EBF4: variants seen among roughly 807,000 people sequenced by gnomAD.
EBF4 encodes the protein EBF transcription factor 4.
A neutral mutation model predicts 67.1 loss-of-function variants in EBF4; 34 were observed. That is an observed-to-expected ratio of 0.51 (90% confidence interval 0.39 to 0.67). The LOEUF (loss-of-function observed/expected upper bound fraction) is 0.67, where lower values mean the gene tolerates loss of function less well. EBF4 is among the 30% of genes least tolerant of loss of function. The pLI is 0.00. For synonymous variants in EBF4, 387 were observed against 377.7 expected, an observed-to-expected ratio of 1.02 and a Z score of -0.29; for missense variants, 837 against 873.3, an observed-to-expected ratio of 0.96 and a Z score of 0.52.
Position 2,696,287 on chromosome 20 carries a change from C to T in EBF4, c.137+2505C>T, listed in dbSNP as rs1220944511. Among the ~76,000 whole-genome samples the T allele has an allele frequency of 6.6e-6, 1 of 152,160 alleles. No individual in the cohort carries two copies. The highest frequency in any genetic ancestry group is 1.5e-5 in the Non-Finnish European group (1 of 68,042). The stretch of plus-strand genomic sequence containing the variant: ...AGGAGTTCGAGACCAGCCTAGCCAA[C>T]ATGGTGAAACCCTGTCTCTACTAAT... On this transcript the variant is annotated intron_variant, in intron 1 of 16. Coordinates refer to ENST00000609451, the Ensembl canonical transcript of EBF4. The surrounding 1 kb of genome is among the most constrained non-coding windows in gnomAD (Gnocchi z 4.7).
intron 1 of EBF4, among the ~76,000 whole-genome samples, chr20:2,698,373 A>G (rs1219185184): frequency 1.3e-5 from 2 of 152,220 alleles, no homozygotes; most frequent in Admixed American, 6.5e-5. Context: ...GGTGTGCCCC[A>G]CTGGGCTACT....
rs2088063998 is a variant in EBF4 at position 2,747,301 on chromosome 20, C to CA, written c.558-1242dup. Among the ~76,000 whole-genome samples the CA allele has an allele frequency of 2.3e-5, 2 of 88,300 alleles. No individual in the cohort carries two copies. Among genetic ancestry groups the CA allele is most frequent in the Non-Finnish European group, 5.0e-5 (2 of 39,794 alleles). 57.9% of individuals were successfully genotyped at this position (88,300 alleles called of 152,430 possible). ...AACAGAGCAAGACTCTGTCTCAAAA[C>CA]AAAAAACAAAACAAACAAAAAAAAA... On this transcript the variant is annotated intron_variant, in intron 6 of 16. Coordinates refer to ENST00000609451, the Ensembl canonical transcript of EBF4. The surrounding 1 kb of genome is among the most constrained non-coding windows in gnomAD (Gnocchi z 4.6).
intron 6 of EBF4, among the ~76,000 whole-genome samples, chr20:2,729,571 G>C (rs372444084): frequency 6.6e-6 from 1 of 152,052 alleles, no homozygotes; most frequent in East Asian, 1.9e-4. Context: ...CCATTGAGAT[G>C]GGGGGAGCTA....
chr20:2,712,924 G>A (rs1050421847), intron 6 of EBF4, among the ~76,000 whole-genome samples: 6 of 152,218 alleles, frequency 3.9e-5, no homozygotes, highest in Non-Finnish European at 8.8e-5. Flanking sequence ...TTAGCAATGA[G>A]GAGGATATTG....
intron 5 of EBF4, among the ~76,000 whole-genome samples, chr20:2,709,186 C>CA (rs982968670): frequency 2.6e-5 from 4 of 151,182 alleles, no homozygotes; most frequent in Non-Finnish European, 4.4e-5. Flanking sequence ...GACTCTGTCT[C>CA]AAAAAAAAGA....
Position 2,693,832 on chromosome 20 carries a change from C to T in EBF4, c.137+50C>T. 1 of 1,257,164 alleles carries T rather than the reference C, an allele frequency of 8.0e-7. No homozygotes were observed. Among genetic ancestry groups the T allele is most frequent in the South Asian group, 2.9e-5 (1 of 34,214 alleles). 77.9% of individuals were successfully genotyped at this position (1,257,164 alleles called of 1,614,324 possible). ...GCGCTCGGGTTGGACGGCTGCGCGC[C>T]GCCTCAGCTCAGCTTGCTGGAGCTG... On this transcript the variant is annotated intron_variant, in intron 1 of 16. Transcript: ENST00000609451. This position sits in a 1 kb window ranked among gnomAD's most constrained non-coding sequence, Gnocchi z 4.6.
intron 6 of EBF4, among the ~76,000 whole-genome samples, chr20:2,714,666 A>T (rs1163842361): frequency 6.6e-6 from 1 of 152,198 alleles, no homozygotes; most frequent in African/African-American, 2.4e-5. Context: ...GCTTATTTGT[A>T]TGTAAATTAT....
intron 6 of EBF4, among the ~76,000 whole-genome samples, chr20:2,737,130 G>T (rs558850362): frequency 6.6e-6 from 1 of 151,550 alleles, no homozygotes; most frequent in Non-Finnish European, 1.5e-5. Context: ...GGCGCCTGTA[G>T]TCCCAGCTAC....
chr20:2,738,608 C>T (rs1468655407), intron 6 of EBF4, among the ~76,000 whole-genome samples: 1 of 152,098 alleles, frequency 6.6e-6, no homozygotes, highest in African/African-American at 2.4e-5. Flanking sequence ...CCTCCTCTCC[C>T]CTCAGGCCTG....
At chr20:2,759,328 C>T in exon 17 of EBF4, 1 of 339,458 alleles carries the variant, frequency 2.9e-6, no homozygotes, top group Middle Eastern at 9.0e-4. Flanking sequence ...CAGCCACACC[C>T]CGGATGGTGG....
chr20:2,749,688 G>T (rs577184256), exon 9 of EBF4: 3 of 1,565,362 alleles, frequency 1.9e-6, no homozygotes, highest in Non-Finnish European at 2.6e-6. Flanking sequence ...CACCGTCATT[G>T]TCATCGGCGA....
intron 1 of EBF4, among the ~76,000 whole-genome samples, chr20:2,698,867 G>A (rs1416491914): frequency 6.6e-6 from 1 of 152,190 alleles, no homozygotes; most frequent in Non-Finnish European, 1.5e-5. Context: ...TTGGTGGGGA[G>A]AAGGGAAGGC....
Position 2,752,481 on chromosome 20 carries a change from C to G in EBF4, c.1476C>G (p.Ala492=), listed in dbSNP as rs1346769558. Residue 492 remains alanine, a synonymous_variant, in exon 14 of 17, where the codon GCC becomes GCG. Transcript: ENST00000609451. Reference sequence around the variant, plus strand: ...GCGGCTACGGCGCGCCGGGCGTGGCCGGCCTCGGCGTGCCTGGGTCCCCCA... The same window carrying G: ...GCGGCTACGGCGCGCCGGGCGTGGCGGGCCTCGGCGTGCCTGGGTCCCCCA... 5 of 1,262,882 alleles carry G rather than the reference C, an allele frequency of 4.0e-6. No individual in the cohort carries two copies. In the African/African-American group the frequency reaches 4.7e-5, roughly 12 times the overall value. 78.2% of individuals were successfully genotyped at this position (1,262,882 alleles called of 1,614,324 possible).
At chr20:2,713,969 T>C (rs1010540084) in intron 6 of EBF4, among the ~76,000 whole-genome samples, 11 of 152,144 alleles carry the variant, frequency 7.2e-5, no homozygotes, top group African/African-American at 2.2e-4. Flanking sequence ...TATCTGTCTA[T>C]ACTGACATTG....
At chr20:2,758,939 A>G (rs1232088482) in exon 16 of EBF4, 1 of 1,551,488 alleles carries the variant, frequency 6.4e-7, no homozygotes. Flanking sequence ...GACAAGTTTC[A>G]CTCTCCAGCC....
chr20:2,740,703 A>G (rs533396467), intron 6 of EBF4, among the ~76,000 whole-genome samples: 4 of 152,230 alleles, frequency 2.6e-5, no homozygotes, highest in African/African-American at 9.6e-5. Flanking sequence ...GAGGTTTATC[A>G]AAGGAGAGCT....
Position 2,755,497 on chromosome 20 carries a change from T to C in EBF4, c.1541-130T>C. 1 of 636,584 alleles carries C rather than the reference T, an allele frequency of 1.6e-6. No homozygotes were observed. Among genetic ancestry groups the C allele is most frequent in the Non-Finnish European group, 2.8e-6 (1 of 351,518 alleles). The allele number at this position is 636,584 out of a possible 1,614,324, so 39.4% of individuals were successfully genotyped here. On this transcript the variant is annotated intron_variant, in intron 14 of 16. Transcript: ENST00000609451. The surrounding 1 kb of genome is among the most constrained non-coding windows in gnomAD (Gnocchi z 4.7). Reference sequence around the variant, plus strand: ...AGGACCCTCACAGCTCCCAGTGAGATCTGAGCCTGGTACCTGTGTCAGCAG... The same window carrying C: ...AGGACCCTCACAGCTCCCAGTGAGACCTGAGCCTGGTACCTGTGTCAGCAG...
At chr20:2,750,045 T>A in intron 10 of EBF4, 72 bp downstream of exon 10, 4 of 1,478,606 alleles carry the variant, frequency 2.7e-6, no homozygotes, top group Non-Finnish European at 3.6e-6. Flanking sequence ...CTGGTCTCCG[T>A]TCTTGGTGAT....
chr20:2,748,364 T>A (rs901025785), intron 6 of EBF4, among the ~76,000 whole-genome samples, 185 bp from the exon 7 acceptor site: 1 of 152,036 alleles, frequency 6.6e-6, no homozygotes, highest in African/African-American at 2.4e-5. Flanking sequence ...TTGTGATGGG[T>A]CTGTCTGGTG....
Sources: allele counts gnomAD v4.1 joint callset (sites outside exome capture counted in the v4.1 genomes callset), GRCh38; gene constraint gnomAD v4.1.1; non-coding constraint Gnocchi (gnomAD v3.1); transcripts MANE v1.5; gene names NCBI Gene and HGNC (gene_info 2026-07-23, HGNC 2026-07-21).